The following KAZN variants were observed in gnomAD, a reference collection of about 807,000 sequenced individuals.
The protein encoded by KAZN is kazrin.
In KAZN, 40 loss-of-function variants were observed where a neutral mutation model predicts 87.4. The observed-to-expected ratio is 0.46, with a 90% CI of 0.36 to 0.60. KAZN has a LOEUF of 0.60. Ranked by LOEUF, KAZN falls within the 20% of genes least tolerant of loss-of-function variation. The pLI is 0.00. For missense variants in KAZN, 898 were observed against 1,073.9 expected, an observed-to-expected ratio of 0.84 and a Z score of 2.29; for synonymous variants, 466 against 458.3, an observed-to-expected ratio of 1.02 and a Z score of -0.22.
At chr1:14,659,302 G>A (rs1436297706) in intron 1 of KAZN, among the ~76,000 whole-genome samples, 1 of 151,912 alleles carries the variant, frequency 6.6e-6, no homozygotes, top group Admixed American at 6.6e-5. Flanking sequence ...TCTAGCCAAA[G>A]GAATGTATTA....
At chr1:14,284,779 GAAGT>G (rs968636678) in intron 2 of KAZN, among the ~76,000 whole-genome samples, 4 of 152,206 alleles carry the variant, frequency 2.6e-5, no homozygotes, top group Admixed American at 2.0e-4. Flanking sequence ...CATACCTTGA[GAAGT>G]AAGTACGTCA....
chr1:14,859,212 A>G (rs1384101642), intron 1 of KAZN, among the ~76,000 whole-genome samples: 1 of 146,674 alleles, frequency 6.8e-6, no homozygotes, highest in South Asian at 2.1e-4. Context: ...CCCCGTCTCA[A>G]AAAAAAAAAA....
At chr1:14,519,786 C>T (rs1259632019) in intron 2 of KAZN, among the ~76,000 whole-genome samples, 1 of 152,048 alleles carries the variant, frequency 6.6e-6, no homozygotes, top group African/African-American at 2.4e-5. Context: ...GCAGGAGGAT[C>T]CCCAGAGTCC....
chr1:14,551,133 C>T lies in KAZN; in HGVS notation c.250-47850C>T, dbSNP rs566252545. 9.9e-5 allele frequency among the ~76,000 whole-genome samples: 15 copies of T among 152,214 alleles called. No homozygotes were observed. In the East Asian group the frequency reaches 1.6e-3, roughly 16 times the overall value. On this transcript the variant is annotated intron_variant, in intron 2 of 16. Coordinates refer to the KAZN transcript ENST00000636203. ...TACGCAAACGTGAGGCCCCATAGAT[C>T]GCAACCCCTCAGCCCTACTGGCCCT... is the stretch of plus-strand genomic sequence containing the variant.
At chr1:14,457,061 C>CA (rs1204836671) in intron 2 of KAZN, among the ~76,000 whole-genome samples, 1 of 152,170 alleles carries the variant, frequency 6.6e-6, no homozygotes. Flanking sequence ...GCCTGGGTGA[C>CA]AGAGCGAGAC....
At chr1:14,729,968 G>A (rs1643601162) in intron 1 of KAZN, among the ~76,000 whole-genome samples, 2 of 152,138 alleles carry the variant, frequency 1.3e-5, no homozygotes, top group Non-Finnish European at 2.9e-5. Flanking sequence ...ATTCGTTCCT[G>A]TATTGTCTAT....
At chr1:13,911,574 G>T (rs992132085) in intron 1 of KAZN, among the ~76,000 whole-genome samples, 18 of 152,188 alleles carry the variant, frequency 1.2e-4, no homozygotes, top group African/African-American at 4.3e-4. Flanking sequence ...TGAGTCAGAA[G>T]AAATGAGATT....
chr1:15,101,356 A>T (rs1641060998), intron 10 of KAZN, among the ~76,000 whole-genome samples, 187 bp from the exon 11 acceptor site: 2 of 141,816 alleles, frequency 1.4e-5, no homozygotes, highest in African/African-American at 2.6e-5. Context: ...TTTCTGTCTC[A>T]TTTTTTCCCT....
chr1:14,150,501 T>C (rs1022082288), intron 1 of KAZN, among the ~76,000 whole-genome samples: 4 of 152,238 alleles, frequency 2.6e-5, no homozygotes, highest in Non-Finnish European at 4.4e-5. Context: ...TCGAAATCTG[T>C]ACTTTCAAAG....
chr1:14,503,195 A>G (rs368024947), intron 2 of KAZN, among the ~76,000 whole-genome samples: 1 of 151,974 alleles, frequency 6.6e-6, no homozygotes, highest in Non-Finnish European at 1.5e-5. Context: ...TTAAGATTCA[A>G]TGAACTGGCC....
chr1:14,131,595 G>A (rs957662058), intron 1 of KAZN, among the ~76,000 whole-genome samples: 9 of 151,890 alleles, frequency 5.9e-5, no homozygotes, highest in African/African-American at 1.5e-4. Flanking sequence ...ACTGTGAGGC[G>A]GCGCTAATGG....
chr1:14,414,048 C>A (rs984315501), intron 2 of KAZN, among the ~76,000 whole-genome samples: 2 of 152,108 alleles, frequency 1.3e-5, no homozygotes, highest in African/African-American at 4.8e-5. Flanking sequence ...AGGCAGGAAG[C>A]CAAGGTGGAG....
chr1:15,029,094 G>A (rs1671437140), intron 2 of KAZN, among the ~76,000 whole-genome samples: 1 of 152,170 alleles, frequency 6.6e-6, no homozygotes, highest in Non-Finnish European at 1.5e-5. Context: ...GCATCTTAAT[G>A]GCCAGAACTG....
intron 1 of KAZN, among the ~76,000 whole-genome samples, chr1:13,956,647 C>T (rs1388630775): frequency 2.0e-5 from 3 of 152,066 alleles, no homozygotes; most frequent in African/African-American, 7.2e-5. Context: ...CTTTGGCTCT[C>T]GCAGGAAGTC....
intron 1 of KAZN, among the ~76,000 whole-genome samples, chr1:14,050,155 T>C (rs921963735): frequency 4.2e-5 from 6 of 143,968 alleles, no homozygotes; most frequent in African/African-American, 1.3e-4. Context: ...TGGGTATGCT[T>C]GTGCGCGTGT....
At chr1:14,063,097 G>A (rs148242400) in intron 1 of KAZN, among the ~76,000 whole-genome samples, 229 of 152,300 alleles carry the variant, frequency 1.5e-3, no homozygotes, top group African/African-American at 5.4e-3. Context: ...GTGAATTAAT[G>A]GTGCTATATT....
intron 1 of KAZN, among the ~76,000 whole-genome samples, chr1:14,958,736 G>C (rs1356845600): frequency 6.6e-6 from 1 of 152,172 alleles, no homozygotes; most frequent in Non-Finnish European, 1.5e-5. Flanking sequence ...CAGCAGGGAC[G>C]CTCCTGGCTC....
intron 1 of KAZN, among the ~76,000 whole-genome samples, chr1:14,679,069 G>A (rs185465560): frequency 1.1e-4 from 16 of 152,304 alleles, no homozygotes; most frequent in Admixed American, 2.0e-4. Context: ...CACTCGTCAC[G>A]CTTGTATAAA....
chr1:15,053,811 G>A (rs1040599400), intron 4 of KAZN, among the ~76,000 whole-genome samples: 9 of 152,226 alleles, frequency 5.9e-5, no homozygotes, highest in East Asian at 1.9e-4. Flanking sequence ...TGGTTTTCTC[G>A]GCCAGAGCAG....
Sources: gnomAD v4.1 joint callset for allele counts (sites outside exome capture counted in the v4.1 genomes callset) on GRCh38, gnomAD v4.1.1 for gene constraint, MANE v1.5 for transcripts, NCBI Gene and HGNC (gene_info 2026-07-23, HGNC 2026-07-21) for gene names.